Variants in ITGA8 observed in about 807,000 individuals in gnomAD.
The protein encoded by ITGA8 is integrin subunit alpha 8.
Under a neutral mutation model 142.3 loss-of-function variants are expected in ITGA8, and 91 were observed. The observed-to-expected ratio is 0.64, with a 90% CI of 0.54 to 0.76. The LOEUF is 0.76. Ranked by LOEUF, ITGA8 falls within the 30% of genes least tolerant of loss-of-function variation. The pLI, the probability that ITGA8 is intolerant of heterozygous loss-of-function variation, is 0.00. For synonymous variants in ITGA8, 505 were observed against 485.2 expected (o/e 1.04, Z -0.54); for missense variants, 1,406 against 1,327.7 (o/e 1.06, Z -0.92).
At chr10:15,562,972 G>A (rs1834010553) in intron 25 of ITGA8, among the ~76,000 whole-genome samples, 1 of 152,172 alleles carries the variant, frequency 6.6e-6, no homozygotes, top group Non-Finnish European at 1.5e-5. Flanking sequence ...GAATGGCTTG[G>A]GCCATCCCAT....
Position 15,558,533 on chromosome 10 carries a change from C to T in ITGA8, c.2638-331G>A, listed in dbSNP as rs9333213. 3.9e-3 allele frequency among the ~76,000 whole-genome samples: 587 copies of T among 152,294 alleles called. 3 individuals are homozygous for T. Among genetic ancestry groups the T allele is most frequent in the African/African-American group, 0.014 (570 of 41,572 alleles). ...GACGTTTCAGACATGAGCCATCCTT[C>T]TCTCATTACTTTCCTCTCATTGTAG... is the stretch of plus-strand genomic sequence containing the variant. On this transcript the variant is annotated intron_variant, in intron 25 of 29. Coordinates refer to ENST00000378076, the MANE Select transcript of ITGA8 (RefSeq NM_003638.3).
chr10:15,675,512 T>C (rs1834611165), intron 6 of ITGA8, among the ~76,000 whole-genome samples: 1 of 152,220 alleles, frequency 6.6e-6, no homozygotes, highest in African/African-American at 2.4e-5. Context: ...ACAGACAACT[T>C]TACCTGAAAC....
At position 15,677,748 on chromosome 10, in the gene ITGA8, T is replaced by C. The variant is rs3765584; in HGVS notation, c.631-111A>G. On this transcript the variant is annotated intron_variant, in intron 5 of 29. Coordinates refer to ENST00000378076, the MANE Select transcript of ITGA8 (RefSeq NM_003638.3). ...CATTGCTCTAACAATTTGTTACACA[T>C]AAAAAGCAATTTTTAAAAGAGATCC... is the stretch of plus-strand genomic sequence containing the variant. 0.12 allele frequency: 116,489 copies of C among 978,630 alleles called. 7,053 individuals carry two copies. The highest frequency in any genetic ancestry group is 0.19 in the East Asian group (7,074 of 38,024). The allele number at this position is 978,630 out of a possible 1,614,324, so 60.6% of individuals were successfully genotyped here.
intron 18 of ITGA8, 99 bp downstream of exon 18, chr10:15,606,186 G>A: frequency 9.8e-7 from 1 of 1,024,924 alleles, no homozygotes; most frequent in Non-Finnish European, 1.4e-6. Context: ...GCATGCAGAA[G>A]TAAAAATGAA....
chr10:15,525,181 T>A (rs536805505), intron 28 of ITGA8, among the ~76,000 whole-genome samples: 1 of 152,130 alleles, frequency 6.6e-6, no homozygotes, highest in Admixed American at 6.5e-5. Flanking sequence ...GTGGTTTGAT[T>A]TGATTTGAAA....
chr10:15,665,336 A>C (rs745376915), intron 8 of ITGA8, among the ~76,000 whole-genome samples: 1 of 152,126 alleles, frequency 6.6e-6, no homozygotes, highest in East Asian at 1.9e-4. Flanking sequence ...GTCTGTTCAT[A>C]TCCTTCGCCC....
At chr10:15,610,150 T>G (rs985469298) in intron 15 of ITGA8, among the ~76,000 whole-genome samples, 3 of 152,202 alleles carry the variant, frequency 2.0e-5, no homozygotes, top group Admixed American at 2.0e-4. Flanking sequence ...ATAATAGCAC[T>G]CCAACCTAAA....
chr10:15,638,971 A>T (rs1833820632), intron 13 of ITGA8, among the ~76,000 whole-genome samples: 1 of 151,990 alleles, frequency 6.6e-6, no homozygotes, highest in South Asian at 2.1e-4. Flanking sequence ...TACAAAAAAA[A>T]TCAAAAAATT....
At chr10:15,596,932 CAA>C (rs1321849172) in intron 21 of ITGA8, 1 of 349,298 alleles carries the variant, frequency 2.9e-6, no homozygotes, top group Non-Finnish European at 5.2e-6. Flanking sequence ...ATAGTAAAAA[CAA>C]AGTCTGTATA....
chr10:15,593,940 C>T (rs1832967550), intron 21 of ITGA8, among the ~76,000 whole-genome samples: 1 of 151,170 alleles, frequency 6.6e-6, no homozygotes, highest in Admixed American at 6.6e-5. Flanking sequence ...CTCCCAGATT[C>T]AAGTGATTCT....
chr10:15,637,945 T>C (rs1412803416), intron 13 of ITGA8, among the ~76,000 whole-genome samples: 1 of 152,164 alleles, frequency 6.6e-6, no homozygotes, highest in Non-Finnish European at 1.5e-5. Context: ...TATATATCTG[T>C]GAATGAGAGA....
intron 25 of ITGA8, among the ~76,000 whole-genome samples, chr10:15,560,314 C>T (rs4750675): frequency 0.39 from 59,791 of 151,950 alleles, 12,427 homozygotes; most frequent in African/African-American, 0.52. Flanking sequence ...AACAAAATTA[C>T]AGATGTCCTT....
intron 13 of ITGA8, among the ~76,000 whole-genome samples, chr10:15,628,128 G>A (rs572171092): frequency 1.3e-5 from 2 of 151,952 alleles, no homozygotes; most frequent in Non-Finnish European, 2.9e-5. Context: ...CTCAGTTCTC[G>A]GAATTACCCA....
At position 15,719,637 on chromosome 10, in the gene ITGA8, CT is replaced by C; in HGVS notation, c.134del (p.Lys45SerfsTer96). ...ACQAFNLDVE[K>X]LTVYSGPKGS... The stretch of plus-strand genomic sequence containing the variant: ...CCTTGGGGCCGCTGTACACTGTGAG[CT>C]TTTCCACGTCCAGGTTGAACGCCTG... On this transcript the variant is annotated frameshift_variant, in exon 1 of 30. Transcript: ENST00000378076. LOFTEE classifies it high-confidence loss of function. 1.3e-6 allele frequency: 2 copies of C among 1,537,546 alleles called. No homozygotes were observed. Among genetic ancestry groups the C allele is most frequent in the Admixed American group, 2.2e-5 (1 of 44,808 alleles).
chr10:15,594,941 A>G (rs954495224), intron 21 of ITGA8, among the ~76,000 whole-genome samples: 42 of 152,184 alleles, frequency 2.8e-4, no homozygotes, highest in African/African-American at 1.0e-3. Flanking sequence ...AAGGTGTGAC[A>G]ATTTCATACT....
chr10:15,683,267 A>C (rs942147755), intron 4 of ITGA8, among the ~76,000 whole-genome samples: 1 of 111,376 alleles, frequency 9.0e-6, no homozygotes, highest in Admixed American at 1.2e-4. Context: ...AGATGAATCC[A>C]CCCATCCATC....
In ITGA8 at chr10:15,542,121, G is replaced by A. The variant is rs11259732; in HGVS notation, c.2880+6334C>T. ...AAAGGGGGCCTAATTCTTACTTTAC[G>A]AGGGGATATAAGGAAAGTCACAAAG... On this transcript the variant is annotated intron_variant, in intron 27 of 29. Coordinates refer to ENST00000378076, the MANE Select transcript of ITGA8 (RefSeq NM_003638.3). 3.2e-4 allele frequency among the ~76,000 whole-genome samples: 49 copies of A among 152,244 alleles called. No homozygotes were observed. In the East Asian group the frequency reaches 8.1e-3, roughly 25 times the overall value.
chr10:15,587,502 G>A (rs1418951129), intron 22 of ITGA8, among the ~76,000 whole-genome samples: 1 of 152,104 alleles, frequency 6.6e-6, no homozygotes, highest in Non-Finnish European at 1.5e-5. Context: ...TCTTCCTAAC[G>A]GTTTATTTCT....
intron 4 of ITGA8, among the ~76,000 whole-genome samples, chr10:15,683,404 A>G: frequency 6.6e-6 from 1 of 151,904 alleles, no homozygotes. Flanking sequence ...ACAATGCCCC[A>G]AAGATGACAC....
Sources: allele counts gnomAD v4.1 joint callset (sites outside exome capture counted in the v4.1 genomes callset), GRCh38; gene constraint gnomAD v4.1.1; transcripts MANE v1.5; gene names NCBI Gene and HGNC (gene_info 2026-07-23, HGNC 2026-07-21).